Variants in NRXN1 observed in about 807,000 individuals in gnomAD.
The protein encoded by NRXN1 is neurexin 1.
In NRXN1, 39 loss-of-function variants were observed where a neutral mutation model predicts 150.9. The observed-to-expected ratio is 0.26, with a 90% CI of 0.20 to 0.34. The LOEUF is 0.34. Ranked by LOEUF, NRXN1 falls within the 10% of genes least tolerant of loss-of-function variation. The probability of loss-of-function intolerance (pLI) is 1.00; values close to 1 mark genes in which losing one functional copy is unlikely to be tolerated. For synonymous variants in NRXN1, 924 were observed against 757.0 expected (o/e 1.22, Z -3.62); for missense variants, 1,815 against 1,949.9 (o/e 0.93, Z 1.30).
At chr2:50,004,455 A>G (rs1165941870) in intron 21 of NRXN1, among the ~76,000 whole-genome samples, 1 of 151,994 alleles carries the variant, frequency 6.6e-6, no homozygotes, top group Non-Finnish European at 1.5e-5. Flanking sequence ...GAAGCATTTT[A>G]TTTTCTGTTT....
chr2:50,518,023 C>T (rs2092678804), intron 12 of NRXN1, among the ~76,000 whole-genome samples: 1 of 152,196 alleles, frequency 6.6e-6, no homozygotes, highest in Non-Finnish European at 1.5e-5. Flanking sequence ...TACTAAGAAA[C>T]ATTAAGCCTC....
At chr2:50,413,344 C>T (rs988656661) in intron 17 of NRXN1, among the ~76,000 whole-genome samples, 2 of 151,912 alleles carry the variant, frequency 1.3e-5, no homozygotes, top group African/African-American at 4.8e-5. Context: ...TGTTCAATAT[C>T]ACAGATCATC....
intron 5 of NRXN1, among the ~76,000 whole-genome samples, chr2:50,903,589 C>T (rs1415132606): frequency 2.0e-5 from 3 of 152,006 alleles, no homozygotes; most frequent in Non-Finnish European, 4.4e-5. Context: ...ACCTTATGGG[C>T]CTTGTGCATA....
At chr2:50,544,601 T>G (rs1368503930) in intron 9 of NRXN1, among the ~76,000 whole-genome samples, 1 of 152,112 alleles carries the variant, frequency 6.6e-6, no homozygotes, top group Non-Finnish European at 1.5e-5. Context: ...TTTAATAATG[T>G]CTGGTATTGG....
At chr2:50,609,001 G>A (rs561453109) in intron 8 of NRXN1, among the ~76,000 whole-genome samples, 53 of 152,078 alleles carry the variant, frequency 3.5e-4, no homozygotes, top group African/African-American at 1.3e-3. Context: ...TGATACATTA[G>A]ATAGTGGATG....
intron 21 of NRXN1, chr2:49,974,288 C>T (rs1474697224): frequency 3.6e-6 from 2 of 552,150 alleles, no homozygotes; most frequent in South Asian, 1.8e-5. Flanking sequence ...CTGCAGTTGA[C>T]GAGGCTGTTG....
chr2:50,202,670 T>C (rs2062263638), intron 18 of NRXN1, among the ~76,000 whole-genome samples: 1 of 152,154 alleles, frequency 6.6e-6, no homozygotes, highest in Non-Finnish European at 1.5e-5. Context: ...TTAACATATG[T>C]CTAGGCTAAA....
intron 5 of NRXN1, among the ~76,000 whole-genome samples, chr2:50,818,336 T>C (rs991346972): frequency 6.6e-6 from 1 of 151,970 alleles, no homozygotes; most frequent in Admixed American, 6.6e-5. Flanking sequence ...TATTTATCTG[T>C]GTCTTATTTA....
At chr2:50,851,059 G>C (rs878987930) in intron 5 of NRXN1, among the ~76,000 whole-genome samples, 3 of 152,000 alleles carry the variant, frequency 2.0e-5, no homozygotes, top group Non-Finnish European at 4.4e-5. Context: ...AAGAATAAAG[G>C]AACCACCATA....
Position 50,346,943 on chromosome 2 carries a change from G to C in NRXN1, c.3365-109973C>G. 1 of 1,365,330 alleles carries C rather than the reference G, an allele frequency of 7.3e-7. No homozygotes were observed. The highest frequency in any genetic ancestry group is 9.4e-7 in the Non-Finnish European group (1 of 1,059,502). 84.6% of individuals were successfully genotyped at this position (1,365,330 alleles called of 1,614,324 possible). ...TCGGCGCCGCACCGGAGCATCCTCT[G>C]GTACATGGCGGGGCGCCCGCCGAGG... On this transcript the variant is annotated intron_variant, in intron 17 of 22. Coordinates refer to ENST00000401669, the MANE Select transcript of NRXN1 (RefSeq NM_001330078.2). This position sits in a 1 kb window ranked among gnomAD's most constrained non-coding sequence, Gnocchi z 5.0.
At chr2:50,597,788 G>C (rs944616406) in intron 8 of NRXN1, among the ~76,000 whole-genome samples, 3 of 152,136 alleles carry the variant, frequency 2.0e-5, no homozygotes, top group African/African-American at 7.2e-5. Context: ...AAATGAGTGA[G>C]TCTAAAAAAA....
intron 19 of NRXN1, among the ~76,000 whole-genome samples, chr2:50,065,650 C>G (rs941183398): frequency 3.3e-5 from 5 of 151,876 alleles, no homozygotes; most frequent in Middle Eastern, 3.4e-3. Context: ...AGTGGAGATC[C>G]CAGTGAGAAG....
intron 22 of NRXN1, among the ~76,000 whole-genome samples, chr2:49,939,779 C>A (rs975598804): frequency 1.2e-4 from 19 of 152,148 alleles, no homozygotes; most frequent in Non-Finnish European, 2.6e-4. Flanking sequence ...CAATAAATGT[C>A]TTCAATATAT....
In NRXN1 at chr2:50,098,703, G is replaced by T. The variant is rs1009608196; in HGVS notation, c.3547-7209C>A. On this transcript the variant is annotated intron_variant, in intron 18 of 22. Coordinates refer to ENST00000401669, the MANE Select transcript of NRXN1 (RefSeq NM_001330078.2). The stretch of plus-strand genomic sequence containing the variant: ...ACTGAAATATGACCAATTTGGTGGG[G>T]CATTCTAAAACTGAATAATGTCAGT... Among the ~76,000 whole-genome samples, 3 of 152,040 alleles carry T rather than the reference G, an allele frequency of 2.0e-5. No individual in the cohort carries two copies. In the East Asian group the frequency reaches 5.8e-4, roughly 29 times the overall value.
At chr2:50,686,374 C>A (rs1280011855) in intron 5 of NRXN1, among the ~76,000 whole-genome samples, 1 of 152,104 alleles carries the variant, frequency 6.6e-6, no homozygotes, top group African/African-American at 2.4e-5. Context: ...TCCTCTCACA[C>A]TCCTGAGTCT....
At chr2:50,620,988 G>T in intron 7 of NRXN1, 1 of 447,368 alleles carries the variant, frequency 2.2e-6, no homozygotes, top group Non-Finnish European at 4.0e-6. Flanking sequence ...CAAAACGTTC[G>T]AAACGTTAAC....
intron 2 of NRXN1, among the ~76,000 whole-genome samples, chr2:50,996,610 G>C (rs1699323177): frequency 6.6e-6 from 1 of 151,994 alleles, no homozygotes; most frequent in Non-Finnish European, 1.5e-5. Context: ...CCTTCACCAA[G>C]TCAATACCTT....
intron 8 of NRXN1, among the ~76,000 whole-genome samples, chr2:50,574,140 C>G (rs185661148): frequency 6.6e-6 from 1 of 152,122 alleles, no homozygotes; most frequent in Non-Finnish European, 1.5e-5. Flanking sequence ...TCCTCCTTTA[C>G]TTCTTTTCTA....
At position 50,050,323 on chromosome 2, in the gene NRXN1, C is replaced by T. The variant is rs940791639; in HGVS notation, c.4128+2948G>A. Among the ~76,000 whole-genome samples the T allele has an allele frequency of 3.9e-5, 6 of 152,020 alleles. No individual in the cohort carries two copies. In the South Asian group the frequency reaches 6.2e-4, roughly 16 times the overall value. On this transcript the variant is annotated intron_variant, in intron 21 of 22. Coordinates refer to ENST00000401669, the MANE Select transcript of NRXN1 (RefSeq NM_001330078.2). Reference sequence around the variant, plus strand: ...CCCTGCAGGATGGCTGAACAAACCTCATCTCATCTATTTGAAATGAGTCCA... The same window carrying T: ...CCCTGCAGGATGGCTGAACAAACCTTATCTCATCTATTTGAAATGAGTCCA...
Sources: gnomAD v4.1 joint callset for allele counts (sites outside exome capture counted in the v4.1 genomes callset) on GRCh38, gnomAD v4.1.1 for gene constraint, Gnocchi (gnomAD v3.1) non-coding constraint, MANE v1.5 for transcripts, NCBI Gene and HGNC (gene_info 2026-07-23, HGNC 2026-07-21) for gene names.